AFG2A: variants seen among roughly 807,000 people sequenced by gnomAD.
AFG2A encodes AAA ATPase AFG2A.
At chr4:123,251,386 A>G in the AFG2A span, among the ~76,000 whole-genome samples, 47 of 152,192 alleles carry the variant, frequency 3.1e-4, no homozygotes, top group Non-Finnish European at 5.6e-4. Context: ...TTTCAGAAAG[A>G]GAATTTTGTT....
the AFG2A span, among the ~76,000 whole-genome samples, chr4:123,164,164 C>T: frequency 6.6e-6 from 1 of 152,246 alleles, no homozygotes; most frequent in African/African-American, 2.4e-5. Flanking sequence ...CCAAGATCTG[C>T]CTTCTTTGTG....
chr4:123,217,683 C>T, the AFG2A span, among the ~76,000 whole-genome samples: 1 of 152,130 alleles, frequency 6.6e-6, no homozygotes, highest in Admixed American at 6.6e-5. Flanking sequence ...GTGCTTTTCC[C>T]TGGCTAGTCT....
the AFG2A span, among the ~76,000 whole-genome samples, chr4:123,159,206 AATTT>A: frequency 1.3e-5 from 2 of 152,174 alleles, no homozygotes; most frequent in Admixed American, 1.3e-4. Flanking sequence ...ATTTATAGAT[AATTT>A]ATTATTTCGT....
the AFG2A span, among the ~76,000 whole-genome samples, chr4:123,308,532 T>G: frequency 5.3e-5 from 8 of 152,078 alleles, no homozygotes; most frequent in African/African-American, 1.9e-4. Flanking sequence ...TTGTGAACTG[T>G]GCATGTGAGG....
the AFG2A span, among the ~76,000 whole-genome samples, chr4:123,029,857 C>G: frequency 6.6e-6 from 1 of 152,116 alleles, no homozygotes; most frequent in Non-Finnish European, 1.5e-5. Flanking sequence ...AGGCTGGTCT[C>G]AAACTCCTGG....
At chr4:123,063,669 T>A in the AFG2A span, among the ~76,000 whole-genome samples, 1 of 151,416 alleles carries the variant, frequency 6.6e-6, no homozygotes, top group African/African-American at 2.4e-5. Flanking sequence ...TGGCGTGAAC[T>A]CAGGAGGCGG....
the AFG2A span, among the ~76,000 whole-genome samples, chr4:122,983,280 A>G: frequency 6.6e-6 from 1 of 152,148 alleles, no homozygotes; most frequent in East Asian, 1.9e-4. Flanking sequence ...TTGATCTTTT[A>G]AATTATTTTT....
the AFG2A span, among the ~76,000 whole-genome samples, chr4:123,131,346 A>C: frequency 5.3e-5 from 8 of 152,190 alleles, no homozygotes; most frequent in East Asian, 7.7e-4. Context: ...CATAACATAA[A>C]AGATACCATC....
At chr4:122,993,244 C>T in the AFG2A span, among the ~76,000 whole-genome samples, 1 of 152,006 alleles carries the variant, frequency 6.6e-6, no homozygotes, top group Admixed American at 6.6e-5. Flanking sequence ...CTACTCTCTT[C>T]AGTCTCCTGG....
At chr4:123,070,645 A>G in the AFG2A span, among the ~76,000 whole-genome samples, 1 of 152,202 alleles carries the variant, frequency 6.6e-6, no homozygotes, top group East Asian at 1.9e-4. Context: ...ATTACCTCCT[A>G]GATATCCACC....
the AFG2A span, among the ~76,000 whole-genome samples, chr4:122,958,660 G>C: frequency 1.3e-5 from 2 of 152,134 alleles, no homozygotes; most frequent in Admixed American, 1.3e-4. Flanking sequence ...GTCTGAGCTG[G>C]TGCCTGAGAA....
chr4:122,983,082 G>T, the AFG2A span, among the ~76,000 whole-genome samples: 1 of 151,712 alleles, frequency 6.6e-6, no homozygotes, highest in African/African-American at 2.4e-5. Context: ...TGGTCAGGCT[G>T]GTCTCAAACT....
chr4:122,927,716 A>G, the AFG2A span: 1 of 1,613,314 alleles, frequency 6.2e-7, no homozygotes, highest in South Asian at 1.1e-5. Context: ...ATATATGTAT[A>G]GGTCGACCAG....
At chr4:123,175,009 G>A in the AFG2A span, among the ~76,000 whole-genome samples, 1 of 151,954 alleles carries the variant, frequency 6.6e-6, no homozygotes, top group African/African-American at 2.4e-5. Context: ...TTTTTGTAGA[G>A]ATGGGGTTTC....
At chr4:123,066,255 A>C in the AFG2A span, among the ~76,000 whole-genome samples, 1 of 152,186 alleles carries the variant, frequency 6.6e-6, no homozygotes, top group East Asian at 1.9e-4. Flanking sequence ...TCCAGATTTG[A>C]GGTAAATTCA....
At chr4:123,232,243 A>C in the AFG2A span, among the ~76,000 whole-genome samples, 4 of 152,038 alleles carry the variant, frequency 2.6e-5, no homozygotes, top group Non-Finnish European at 4.4e-5. Flanking sequence ...TGGAACAGTG[A>C]AGACGAAGAA....
chr4:123,139,931 A>C, the AFG2A span, among the ~76,000 whole-genome samples: 1 of 152,020 alleles, frequency 6.6e-6, no homozygotes, highest in Admixed American at 6.6e-5. Context: ...TAGCAGAGAA[A>C]TAGGTTTCCA....
At chr4:123,141,196 T>G in the AFG2A span, among the ~76,000 whole-genome samples, 1 of 152,190 alleles carries the variant, frequency 6.6e-6, no homozygotes, top group Non-Finnish European at 1.5e-5. Context: ...AACTTTGTGG[T>G]GAATTGGAAT....
chr4:123,243,239 A>G, the AFG2A span, among the ~76,000 whole-genome samples: 1 of 152,154 alleles, frequency 6.6e-6, no homozygotes, highest in Non-Finnish European at 1.5e-5. Context: ...CAGCCATCCC[A>G]TTACTGGGTA....
Sources: gnomAD v4.1 joint callset for allele counts (sites outside exome capture counted in the v4.1 genomes callset) on GRCh38, gnomAD v4.1.1 for gene constraint, MANE v1.5 for transcripts, NCBI Gene and HGNC (gene_info 2026-07-23, HGNC 2026-07-21) for gene names.